AK9: variants seen among roughly 807,000 people sequenced by gnomAD.
AK9 encodes the protein adenylate kinase domain containing 1.
Under a neutral mutation model 239.6 loss-of-function variants are expected in AK9, and 191 were observed. The ratio of observed to expected loss-of-function variants is 0.80; its 90% confidence interval spans 0.71 to 0.90. The LOEUF is 0.90. Among genes scored for constraint, AK9 ranks in the 40% least tolerant of loss-of-function variants. The pLI is 0.00. For missense variants in AK9, 1,995 were observed against 2,214.7 expected, an observed-to-expected ratio of 0.90 and a Z score of 1.99; for synonymous variants, 689 against 721.0, an observed-to-expected ratio of 0.96 and a Z score of 0.71.
chr6:109,556,528 T>C (rs1323553247), intron 24 of AK9, among the ~76,000 whole-genome samples: 3 of 152,156 alleles, frequency 2.0e-5, no homozygotes, highest in Non-Finnish European at 4.4e-5. Flanking sequence ...GTTCTCTGTA[T>C]TTCCTGAATT....
intron 16 of AK9, 116 bp from the exon 17 acceptor site, chr6:109,610,629 C>T (rs1335268860): frequency 2.0e-5 from 22 of 1,121,260 alleles, no homozygotes; most frequent in Admixed American, 8.2e-5. Flanking sequence ...TTCATGTCAC[C>T]GCAGCACATG....
At chr6:109,508,084 T>C (rs1242863479) in intron 33 of AK9, among the ~76,000 whole-genome samples, 1 of 152,214 alleles carries the variant, frequency 6.6e-6, no homozygotes, top group African/African-American at 2.4e-5. Context: ...ATTTGTGAAT[T>C]GTTCATTGCT....
In AK9 at chr6:109,563,710, G is replaced by A. The variant is rs779028514; in HGVS notation, c.2638C>T (p.Pro880Ser). Residue 880 changes from proline to serine, a missense_variant and splice_region_variant, in exon 24 of 41, where the codon CCA becomes TCA. Coordinates refer to ENST00000424296, the MANE Select transcript of AK9 (RefSeq NM_001145128.3). ...LQKVVETMEK[P>S]FQYTAWELTG... Reference sequence around the variant, plus strand: ...AACTCCCATGCAGTATATTGAAATGGTTCTGGAGAAAAAGAGAATCATTGG... The same window carrying A: ...AACTCCCATGCAGTATATTGAAATGATTCTGGAGAAAAAGAGAATCATTGG... 2.6e-6 allele frequency: 4 copies of A among 1,546,580 alleles called. No individual in the cohort carries two copies. Among genetic ancestry groups the A allele is most frequent in the African/African-American group, 1.4e-5 (1 of 72,858 alleles).
intron 7 of AK9, among the ~76,000 whole-genome samples, chr6:109,658,072 T>C (rs1362354226): frequency 6.6e-6 from 1 of 152,196 alleles, no homozygotes; most frequent in South Asian, 2.1e-4. Context: ...TACTCTATAG[T>C]TGGACAACAA....
intron 1 of AK9, among the ~76,000 whole-genome samples, chr6:109,679,801 A>T (rs188850649): frequency 5.9e-5 from 9 of 152,334 alleles, no homozygotes; most frequent in African/African-American, 2.2e-4. Flanking sequence ...TGTTGGTGAT[A>T]CCCAGGAAAA....
intron 10 of AK9, among the ~76,000 whole-genome samples, chr6:109,634,943 GC>G (rs890600146): frequency 6.6e-6 from 1 of 152,224 alleles, no homozygotes; most frequent in African/African-American, 2.4e-5. Context: ...TGCCCATGGG[GC>G]CACACGTTCA....
intron 29 of AK9, among the ~76,000 whole-genome samples, chr6:109,525,977 T>C (rs1258782602): frequency 1.3e-5 from 2 of 152,214 alleles, no homozygotes; most frequent in Admixed American, 1.3e-4. Context: ...TGAATTCATA[T>C]CTTTTGCAGC....
intron 21 of AK9, among the ~76,000 whole-genome samples, chr6:109,569,669 C>T (rs543306542): frequency 6.6e-6 from 1 of 151,914 alleles, no homozygotes; most frequent in Admixed American, 6.6e-5. Flanking sequence ...GCCAACAGAC[C>T]CATGAAAAAA....
In AK9 at chr6:109,638,422, A is replaced by G. The variant is rs913093860; in HGVS notation, c.933+3096T>C. On this transcript the variant is annotated intron_variant, in intron 10 of 40. Coordinates refer to ENST00000424296, the MANE Select transcript of AK9 (RefSeq NM_001145128.3). The stretch of plus-strand genomic sequence containing the variant: ...GGATAACAAAATGACCTCTTTCTTC[A>G]AAGATTTTAAAATTTGAATTATGTC... Among the ~76,000 whole-genome samples the G allele has an allele frequency of 8.2e-4, 125 of 152,252 alleles. 1 individual carries two copies. Among genetic ancestry groups the G allele is most frequent in the African/African-American group, 2.9e-3 (120 of 41,528 alleles).
chr6:109,676,596 G>C (rs915776266), intron 1 of AK9, among the ~76,000 whole-genome samples: 18 of 151,710 alleles, frequency 1.2e-4, no homozygotes, highest in South Asian at 2.1e-4. Flanking sequence ...GAAAAAAATA[G>C]TGATAAAAGT....
intron 24 of AK9, among the ~76,000 whole-genome samples, chr6:109,551,954 T>TATAAGTGCGA (rs1784421222): frequency 6.6e-6 from 1 of 152,140 alleles, no homozygotes; most frequent in Non-Finnish European, 1.5e-5. Flanking sequence ...AACTCCCACT[T>TATAAGTGCGA]ATAAGTGCGA....
intron 28 of AK9, among the ~76,000 whole-genome samples, chr6:109,529,469 G>C (rs996302996): frequency 2.3e-4 from 35 of 152,104 alleles, no homozygotes; most frequent in Non-Finnish European, 3.5e-4. Flanking sequence ...CAACCATTTT[G>C]GCATGAGGGA....
intron 17 of AK9, among the ~76,000 whole-genome samples, chr6:109,590,110 T>C (rs1790025491): frequency 6.6e-6 from 1 of 152,116 alleles, no homozygotes; most frequent in Non-Finnish European, 1.5e-5. Context: ...CACTCCTCCT[T>C]GATGTTTTGG....
At chr6:109,517,807 G>C (rs1779422897) in intron 29 of AK9, among the ~76,000 whole-genome samples, 1 of 152,016 alleles carries the variant, frequency 6.6e-6, no homozygotes, top group African/African-American at 2.4e-5. Flanking sequence ...TATTGTGTAG[G>C]CTTTAAGTGC....
At chr6:109,647,399 C>T (rs1798217662) in intron 8 of AK9, among the ~76,000 whole-genome samples, 1 of 151,884 alleles carries the variant, frequency 6.6e-6, no homozygotes, top group East Asian at 1.9e-4. Flanking sequence ...GGAAGATCTA[C>T]CAAGAAAATG....
Position 109,495,349 on chromosome 6 carries a change from A to G in AK9, c.5407T>C (p.Tyr1803His), listed in dbSNP as rs1469356752. The change falls in exon 39 of 41, where the codon TAT (tyrosine) becomes CAT (histidine). Residue 1803 changes from tyrosine to histidine, a missense_variant. Tyr to His is a moderately conservative substitution (Grantham distance 83). This residue lies in a region of AK9 where 391 missense variants were observed against 456.0 expected (regional missense o/e 0.86). Transcript: ENST00000424296. Reference protein sequence around the residue: ...ILLTSLPLPGYLEQGIATSLI... With the variant: ...ILLTSLPLPGHLEQGIATSLI... ...TTAAGTAAAAGAACCTGTTCCAGAT[A>G]TCCAGGCAAAGGAAGACTAGTAAGA... 1.2e-6 allele frequency: 2 copies of G among 1,611,972 alleles called. No individual in the cohort carries two copies. Among genetic ancestry groups the G allele is most frequent in the Non-Finnish European group, 1.7e-6 (2 of 1,178,428 alleles).
At chr6:109,540,446 T>C (rs1782719977) in intron 27 of AK9, among the ~76,000 whole-genome samples, 1 of 152,152 alleles carries the variant, frequency 6.6e-6, no homozygotes, top group Non-Finnish European at 1.5e-5. Flanking sequence ...GCTAAGACCA[T>C]TGGAAAAGCA....
intron 13 of AK9, among the ~76,000 whole-genome samples, chr6:109,617,726 A>G (rs1178119629): frequency 3.3e-5 from 5 of 152,206 alleles, no homozygotes; most frequent in Non-Finnish European, 5.9e-5. Flanking sequence ...TAGGATCACA[A>G]TTAACCATTA....
chr6:109,679,853 T>C (rs755414782), intron 1 of AK9, among the ~76,000 whole-genome samples: 14 of 152,116 alleles, frequency 9.2e-5, no homozygotes, highest in Non-Finnish European at 1.9e-4. Flanking sequence ...AGCAGAACTG[T>C]AGCAGAGGGA....
Sources: gnomAD v4.1 joint callset for allele counts (sites outside exome capture counted in the v4.1 genomes callset) on GRCh38, gnomAD v4.1.1 for gene constraint, gnomAD v4.1.1 regional missense constraint, MANE v1.5 for transcripts, NCBI Gene and HGNC (gene_info 2026-07-23, HGNC 2026-07-21) for gene names.